The following GRM7 variants were observed in gnomAD, a reference collection of about 807,000 sequenced individuals.
GRM7 encodes the protein glutamate metabotropic receptor 7, also known as metabotropic glutamate receptor 7.
GRM7 carries 35 observed loss-of-function variants against 84.5 expected under a neutral mutation model. That is an observed-to-expected ratio of 0.41 (90% CI 0.32 to 0.55). GRM7 has a LOEUF of 0.55. GRM7 is among the 20% of genes least tolerant of loss of function. The pLI, the probability that GRM7 is intolerant of heterozygous loss-of-function variation, is 0.19. For missense variants in GRM7, 1,003 were observed against 1,194.6 expected (o/e 0.84, Z 2.36); for synonymous variants, 487 against 455.1 (o/e 1.07, Z -0.89).
At chr3:7,223,277 T>G (rs1424920809) in intron 2 of GRM7, among the ~76,000 whole-genome samples, 1 of 152,138 alleles carries the variant, frequency 6.6e-6, no homozygotes, top group Non-Finnish European at 1.5e-5. Flanking sequence ...TCCTATAATT[T>G]CATAAATTTG....
chr3:6,985,013 A>G (rs899440120), intron 1 of GRM7, among the ~76,000 whole-genome samples: 1 of 152,202 alleles, frequency 6.6e-6, no homozygotes, highest in Non-Finnish European at 1.5e-5. Context: ...GATTACCTCT[A>G]TAAACAAGGC....
intron 1 of GRM7, among the ~76,000 whole-genome samples, chr3:7,022,472 G>GAC (rs1184357739): frequency 6.6e-6 from 1 of 151,266 alleles, no homozygotes; most frequent in African/African-American, 2.4e-5. Flanking sequence ...AGCCAGTACT[G>GAC]ACTATCTCAT....
chr3:7,464,459 T>A (rs1292645847), intron 7 of GRM7, among the ~76,000 whole-genome samples: 1 of 152,126 alleles, frequency 6.6e-6, no homozygotes, highest in Non-Finnish European at 1.5e-5. Context: ...AAACAACCTA[T>A]AAATGGTCTT....
intron 1 of GRM7, among the ~76,000 whole-genome samples, chr3:6,926,801 C>T (rs1345793808): frequency 6.6e-6 from 1 of 152,278 alleles, no homozygotes; most frequent in Middle Eastern, 3.4e-3. Flanking sequence ...CATAAATCTC[C>T]TTTTGATAGG....
chr3:7,362,794 T>C (rs1327088218), intron 4 of GRM7, among the ~76,000 whole-genome samples: 1 of 152,134 alleles, frequency 6.6e-6, no homozygotes, highest in Non-Finnish European at 1.5e-5. Flanking sequence ...TTGAGTAATA[T>C]TATGCCACTT....
At chr3:6,883,590 A>C (rs1369382121) in intron 1 of GRM7, among the ~76,000 whole-genome samples, 1 of 152,226 alleles carries the variant, frequency 6.6e-6, no homozygotes, top group African/African-American at 2.4e-5. Flanking sequence ...GGAAAAATGA[A>C]AGGCCATAAA....
intron 2 of GRM7, among the ~76,000 whole-genome samples, chr3:7,246,597 A>G (rs1347981239): frequency 6.6e-6 from 1 of 152,112 alleles, no homozygotes; most frequent in African/African-American, 2.4e-5. Context: ...CCCTGTTGCC[A>G]AGTTCTTGCC....
At chr3:7,422,742 T>C (rs1018200261) in intron 5 of GRM7, among the ~76,000 whole-genome samples, 1 of 152,190 alleles carries the variant, frequency 6.6e-6, no homozygotes, top group Non-Finnish European at 1.5e-5. Context: ...TTATTTATTA[T>C]TATTATTTTC....
At chr3:7,138,469 T>A (rs1424268189) in intron 1 of GRM7, among the ~76,000 whole-genome samples, 3 of 151,940 alleles carry the variant, frequency 2.0e-5, no homozygotes, top group Admixed American at 2.0e-4. Context: ...ATAATCACTT[T>A]ATAGGCATAC....
intron 4 of GRM7, among the ~76,000 whole-genome samples, chr3:7,377,381 A>G (rs542591146): frequency 3.0e-4 from 46 of 152,276 alleles, no homozygotes; most frequent in African/African-American, 1.1e-3. Flanking sequence ...TTTATCTGAA[A>G]CTGAATCTTC....
chr3:7,611,054 CTTGTGT>C, intron 8 of GRM7, among the ~76,000 whole-genome samples: 1 of 152,206 alleles, frequency 6.6e-6, no homozygotes, highest in Non-Finnish European at 1.5e-5. Flanking sequence ...ATTGAATAGC[CTTGTGT>C]CTTACCTCAT....
chr3:7,099,242 A>G (rs988040163), intron 1 of GRM7, among the ~76,000 whole-genome samples: 2 of 115,782 alleles, frequency 1.7e-5, no homozygotes, highest in Non-Finnish European at 1.6e-5. Flanking sequence ...ATACATGTAT[A>G]TATGAATACA....
intron 7 of GRM7, among the ~76,000 whole-genome samples, chr3:7,544,462 C>G (rs1693041194): frequency 6.6e-6 from 1 of 152,182 alleles, no homozygotes. Flanking sequence ...AGCACCCAAC[C>G]TGCAGGGCCC....
At chr3:7,382,861 G>A (rs919044709) in intron 4 of GRM7, among the ~76,000 whole-genome samples, 3 of 152,328 alleles carry the variant, frequency 2.0e-5, no homozygotes, top group South Asian at 4.1e-4. Flanking sequence ...CACAATCTCA[G>A]TAGGCTCTGG....
intron 9 of GRM7, among the ~76,000 whole-genome samples, chr3:7,716,192 A>G (rs1189265886): frequency 6.6e-6 from 1 of 152,124 alleles, no homozygotes; most frequent in Non-Finnish European, 1.5e-5. Flanking sequence ...GACATATGGG[A>G]TGGATGTATC....
rs1377693439 is a variant in GRM7 at position 7,099,887 on chromosome 3, A to ATGTGCACATACATG, written c.520-46564_520-46563insGTGCACATACATGT. Among the ~76,000 whole-genome samples, 69 of 138,536 alleles carry ATGTGCACATACATG rather than the reference A, an allele frequency of 5.0e-4. 2 individuals carry two copies. Among genetic ancestry groups the ATGTGCACATACATG allele is most frequent in the Non-Finnish European group, 8.8e-4 (57 of 64,940 alleles). 90.9% of individuals were successfully genotyped at this position (138,536 alleles called of 152,430 possible). On this transcript the variant is annotated intron_variant, in intron 1 of 9. Transcript: ENST00000357716. ...ATATGTATATGTACACGCATTATAC[A>ATGTGCACATACATG]TATATACATAGATTATACATATATA...
intron 8 of GRM7, among the ~76,000 whole-genome samples, chr3:7,629,531 C>A (rs961491366): frequency 8.5e-5 from 13 of 152,144 alleles, no homozygotes; most frequent in Non-Finnish European, 1.6e-4. Flanking sequence ...TGGATCAGGG[C>A]CCTACCCTTT....
At position 7,461,629 on chromosome 3, in the gene GRM7, T is replaced by C. The variant is rs147301131; in HGVS notation, c.1422T>C (p.Pro474=). ...PVMFNKNGDA[P]GRYDIFQYQT... is the part of the protein sequence containing the mutation. ...TGTTTAACAAGAACGGGGATGCACCTGGGCGTTATGACATCTTTCAGTACC... is the reference window on the plus strand; with the variant it reads ...TGTTTAACAAGAACGGGGATGCACCCGGGCGTTATGACATCTTTCAGTACC... Residue 474 remains proline, a synonymous_variant, in exon 7 of 10, where the codon CCT becomes CCC. Transcript: ENST00000357716. 1 of 1,612,696 alleles carries C rather than the reference T, an allele frequency of 6.2e-7. No homozygotes were observed. Among genetic ancestry groups the C allele is most frequent in the Admixed American group, 1.7e-5 (1 of 60,010 alleles).
intron 1 of GRM7, among the ~76,000 whole-genome samples, chr3:6,937,592 C>G (rs1697734688): frequency 6.6e-6 from 1 of 152,128 alleles, no homozygotes; most frequent in Non-Finnish European, 1.5e-5. Flanking sequence ...TTCTCTCCCA[C>G]AGGGAAGGAA....
Sources: allele counts gnomAD v4.1 joint callset (sites outside exome capture counted in the v4.1 genomes callset), GRCh38; gene constraint gnomAD v4.1.1; transcripts MANE v1.5; gene names NCBI Gene and HGNC (gene_info 2026-07-23, HGNC 2026-07-21).